The following ERBIN variants were observed in gnomAD, a reference collection of about 807,000 sequenced individuals.
ERBIN encodes the protein densin-180-like protein.
ERBIN carries 60 observed loss-of-function variants against 158.4 expected under a neutral mutation model. The ratio of observed to expected loss-of-function variants is 0.38; its 90% CI spans 0.31 to 0.47. The LOEUF is 0.47. ERBIN is among the 20% of genes least tolerant of loss of function. The probability of loss-of-function intolerance (pLI) is 0.99; values close to 1 mark genes in which losing one functional copy is unlikely to be tolerated. For missense variants in ERBIN, 1,610 were observed against 1,648.0 expected (o/e 0.98, Z 0.40); for synonymous variants, 594 against 557.2 (o/e 1.07, Z -0.93).
chr5:65,979,795 C>G (rs1269681365), intron 1 of ERBIN, among the ~76,000 whole-genome samples: 1 of 152,144 alleles, frequency 6.6e-6, no homozygotes, highest in Non-Finnish European at 1.5e-5. Context: ...GAAAGTTTAT[C>G]TTCTAGTTTT....
intron 21 of ERBIN, among the ~76,000 whole-genome samples, chr5:66,063,777 A>G (rs1432629151): frequency 2.0e-5 from 3 of 152,216 alleles, no homozygotes; most frequent in Non-Finnish European, 4.4e-5. Context: ...TTTATCAAGG[A>G]TGATGATCTT....
At chr5:66,003,244 C>T (rs1425943670) in intron 4 of ERBIN, among the ~76,000 whole-genome samples, 1 of 152,144 alleles carries the variant, frequency 6.6e-6, no homozygotes, top group Non-Finnish European at 1.5e-5. Context: ...GATGTTGACA[C>T]CTGCCTGGCA....
At chr5:66,017,076 A>T (rs1405365338) in intron 7 of ERBIN, among the ~76,000 whole-genome samples, 1 of 152,022 alleles carries the variant, frequency 6.6e-6, no homozygotes, top group Non-Finnish European at 1.5e-5. Flanking sequence ...TATGTACCAT[A>T]CTTTATCCAT....
rs199729924 is a variant in ERBIN, at chr5:66,045,464, GTATGTA to G, written c.1603-882_1603-877del. 8.1e-3 allele frequency among the ~76,000 whole-genome samples: 1,183 copies of G among 146,256 alleles called. 6 individuals are homozygous for G. The highest frequency in any genetic ancestry group is 0.01 in the Non-Finnish European group (706 of 67,850). On this transcript the variant is annotated intron_variant, in intron 17 of 25. Transcript: ENST00000284037. ...GTATATGTATGTATATACATATAGTGTATGTATATGTAATATTACATATAGCCTATG... is the reference window on the plus strand; with the variant it reads ...GTATATGTATGTATATACATATAGTGTATGTAATATTACATATAGCCTATG...
intron 24 of ERBIN, 83 bp downstream of exon 24, chr5:66,076,491 A>T (rs1761996882): frequency 9.4e-7 from 1 of 1,064,762 alleles, no homozygotes; most frequent in Non-Finnish European, 1.4e-6. Context: ...AAAATCTAAT[A>T]GATGTTTATG....
chr5:65,941,361 A>G (rs1179613388), intron 1 of ERBIN, among the ~76,000 whole-genome samples: 1 of 150,190 alleles, frequency 6.7e-6, no homozygotes, highest in South Asian at 2.1e-4. Flanking sequence ...CAATATAGCA[A>G]TTATTTATGT....
intron 15 of ERBIN, among the ~76,000 whole-genome samples, chr5:66,042,602 C>T (rs190482506): frequency 0.011 from 1,697 of 152,010 alleles, 14 homozygotes; most frequent in Middle Eastern, 0.02. Context: ...GATGTTCACC[C>T]TATATATCTG....
intron 7 of ERBIN, among the ~76,000 whole-genome samples, chr5:66,018,366 T>C (rs1741592446): frequency 7.6e-6 from 1 of 130,822 alleles, no homozygotes; most frequent in Non-Finnish European, 1.6e-5. Flanking sequence ...GTTTTTCTTG[T>C]ATAGATCTTT....
At chr5:65,967,406 C>G (rs1193962544) in intron 1 of ERBIN, among the ~76,000 whole-genome samples, 3 of 151,380 alleles carry the variant, frequency 2.0e-5, no homozygotes, top group African/African-American at 7.3e-5. Flanking sequence ...TTTTTTTTAT[C>G]TTTCATACCA....
intron 15 of ERBIN, among the ~76,000 whole-genome samples, chr5:66,040,377 T>G (rs771088246): frequency 6.6e-6 from 1 of 151,938 alleles, no homozygotes; most frequent in Non-Finnish European, 1.5e-5. Flanking sequence ...TCCTGTTTAA[T>G]TTGAAAAGAG....
chr5:65,977,268 G>A (rs1205285417), intron 1 of ERBIN, among the ~76,000 whole-genome samples: 1 of 150,958 alleles, frequency 6.6e-6, no homozygotes, highest in Non-Finnish European at 1.5e-5. Context: ...CCTCCCTCCC[G>A]GATGGGGCGG....
chr5:65,937,930 C>T (rs1285054594), intron 1 of ERBIN, among the ~76,000 whole-genome samples: 1 of 151,846 alleles, frequency 6.6e-6, no homozygotes, highest in Non-Finnish European at 1.5e-5. Context: ...AATAATAATT[C>T]TTGGTGGTAT....
At position 66,024,466 on chromosome 5, in the gene ERBIN, A is replaced by G; in HGVS notation, c.817+16A>G. 1 of 1,570,138 alleles carries G rather than the reference A, an allele frequency of 6.4e-7. No individual in the cohort carries two copies. Among genetic ancestry groups the G allele is most frequent in the Non-Finnish European group, 8.6e-7 (1 of 1,167,694 alleles). On this transcript the variant is annotated intron_variant, in intron 10 of 25. Coordinates refer to ENST00000284037, the MANE Select transcript of ERBIN (RefSeq NM_001253697.2). ...GAGACTATTGGTTTGTATTGCTTTC[A>G]AATTCATGTAATTTTTATTAAAATA... is the stretch of plus-strand genomic sequence containing the variant.
rs1749391778 is a variant in ERBIN at position 65,972,604 on chromosome 5, T to C, written c.-57-16031T>C. On this transcript the variant is annotated intron_variant, in intron 1 of 25. Transcript: ENST00000284037. Reference sequence around the variant, plus strand: ...AATTTTTGTTTTTCTTCTTTTCCTCTCCATATCTGTTATACTATTTCACTT... The same window carrying C: ...AATTTTTGTTTTTCTTCTTTTCCTCCCCATATCTGTTATACTATTTCACTT... 1.3e-5 allele frequency among the ~76,000 whole-genome samples: 2 copies of C among 151,438 alleles called. 1 individual carries two copies. The highest frequency in any genetic ancestry group is 4.9e-5 in the African/African-American group (2 of 40,724).
At chr5:66,061,085 G>A (rs934589936) in intron 21 of ERBIN, among the ~76,000 whole-genome samples, 16 of 152,054 alleles carry the variant, frequency 1.1e-4, no homozygotes, top group Admixed American at 9.8e-4. Flanking sequence ...GCTGAGTTGA[G>A]TTCCTGGATA....
At chr5:65,982,145 T>C (rs1196697447) in intron 1 of ERBIN, among the ~76,000 whole-genome samples, 4 of 152,232 alleles carry the variant, frequency 2.6e-5, no homozygotes, top group African/African-American at 9.6e-5. Context: ...CAATGTCTTG[T>C]GTCAGTTCTT....
At chr5:65,976,384 A>G (rs570441501) in intron 1 of ERBIN, among the ~76,000 whole-genome samples, 1 of 152,226 alleles carries the variant, frequency 6.6e-6, no homozygotes, top group Non-Finnish European at 1.5e-5. Flanking sequence ...GAAGCATGAT[A>G]ATTGCTTGAA....
Position 66,038,436 on chromosome 5 carries a change from G to T in ERBIN, c.1260G>T (p.Met420Ile). ...QKETDSETQK[M>I]VLTNYMFPQQ... ...AAACTGATTCAGAGACCCAGAAAAT[G>T]GTGCTTACCAACTACATGTTCCCTC... Residue 420 changes from methionine (M) to isoleucine (I), a missense_variant, in exon 15 of 26, where the codon ATG (methionine) becomes ATT (isoleucine). By Grantham distance (10) the Met-to-Ile change is conservative. Coordinates refer to ENST00000284037, the MANE Select transcript of ERBIN (RefSeq NM_001253697.2). The T allele has an allele frequency of 6.2e-7, 1 of 1,612,148 alleles. No homozygotes were observed. The highest frequency in any genetic ancestry group is 8.5e-7 in the Non-Finnish European group (1 of 1,178,784).
chr5:66,046,357 C>G lies in ERBIN; in HGVS notation c.1607C>G (p.Ser536Ter), dbSNP rs776754739. The change falls in exon 18 of 26, where the codon TCA becomes TGA. Residue 536 changes from serine to a stop codon, truncating the protein, a stop_gained. Coordinates refer to ENST00000284037, the MANE Select transcript of ERBIN (RefSeq NM_001253697.2). LOFTEE classifies it high-confidence loss of function. ...TTTATCTTTTCTTTTACTTAGACCT[C>G]AGAAAGTACTACTACAGTAAAAAGC... ...DINKDVGVKT[S>*]ESTTTVKSKV... 6.6e-7 allele frequency: 1 copy of G among 1,507,900 alleles called. No individual in the cohort carries two copies. Among genetic ancestry groups the G allele is most frequent in the Non-Finnish European group, 9.0e-7 (1 of 1,113,156 alleles). 93.4% of individuals were successfully genotyped at this position (1,507,900 alleles called of 1,614,324 possible).
Sources: gnomAD v4.1 joint callset for allele counts (sites outside exome capture counted in the v4.1 genomes callset) on GRCh38, gnomAD v4.1.1 for gene constraint, MANE v1.5 for transcripts, NCBI Gene and HGNC (gene_info 2026-07-23, HGNC 2026-07-21) for gene names.